The following NME9 variants were observed in gnomAD, a reference collection of about 807,000 sequenced individuals.
NME9 encodes NME/NM23 family member 9.
A neutral mutation model predicts 44.4 loss-of-function variants in NME9; 48 were observed. The observed-to-expected ratio is 1.08, with a 90% CI of 0.86 to 1.37. The LOEUF (loss-of-function observed/expected upper bound fraction) is 1.37, where lower values mean the gene tolerates loss of function less well. Among genes scored for constraint, NME9 ranks in the 40% most tolerant of loss-of-function variants. The pLI, the probability that NME9 is intolerant of heterozygous loss-of-function variation, is 0.00. For missense variants in NME9, 325 were observed against 405.2 expected, an observed-to-expected ratio of 0.80 and a Z score of 1.70; for synonymous variants, 139 against 147.1, an observed-to-expected ratio of 0.94 and a Z score of 0.40.
intron 8 of NME9, chr3:138,288,009 G>A (rs1275539518): frequency 1.2e-5 from 2 of 171,834 alleles, no homozygotes; most frequent in Non-Finnish European, 2.5e-5. Flanking sequence ...ATTGTATTTA[G>A]AAGAATAGGA....
chr3:138,328,857 G>A (rs914300751), intron 1 of NME9, among the ~76,000 whole-genome samples: 3 of 152,136 alleles, frequency 2.0e-5, no homozygotes, highest in Non-Finnish European at 2.9e-5. Context: ...ACAGTGGTGG[G>A]AAAACTGGGT....
chr3:138,319,717 A>C (rs1221355735), intron 2 of NME9, 136 bp from the exon 3 acceptor site: 1 of 619,964 alleles, frequency 1.6e-6, no homozygotes, highest in Non-Finnish European at 2.9e-6. Context: ...AAAGGGATTT[A>C]CTATCCCATG....
At chr3:138,279,010 A>T (rs115337326) in intron 8 of NME9, among the ~76,000 whole-genome samples, 1 of 152,252 alleles carries the variant, frequency 6.6e-6, no homozygotes, top group South Asian at 2.1e-4. Flanking sequence ...TCCAATCTAT[A>T]TGCTATTTTG....
At chr3:138,293,284 G>GT (rs1359561780) in intron 8 of NME9, among the ~76,000 whole-genome samples, 3 of 152,248 alleles carry the variant, frequency 2.0e-5, no homozygotes, top group Non-Finnish European at 2.9e-5. Flanking sequence ...GCTCACGCCT[G>GT]TAATCCCAGC....
At chr3:138,279,882 T>C (rs1190324208) in intron 8 of NME9, among the ~76,000 whole-genome samples, 2 of 152,138 alleles carry the variant, frequency 1.3e-5, no homozygotes, top group East Asian at 3.8e-4. Flanking sequence ...CAGTATCCCC[T>C]CTCTTGTTCT....
chr3:138,270,397 AATTTT>A (rs1263279370), intron 8 of NME9, among the ~76,000 whole-genome samples: 1 of 152,170 alleles, frequency 6.6e-6, no homozygotes, highest in Non-Finnish European at 1.5e-5. Flanking sequence ...TGGGAAAATA[AATTTT>A]CCTTATCATG....
At chr3:138,273,322 C>T (rs544534667) in intron 8 of NME9, among the ~76,000 whole-genome samples, 54 of 152,312 alleles carry the variant, frequency 3.5e-4, no homozygotes, top group African/African-American at 1.2e-3. Flanking sequence ...CCCTATTCTC[C>T]ACTCCTACAC....
intron 8 of NME9, among the ~76,000 whole-genome samples, chr3:138,294,644 G>A (rs1460871400): frequency 1.3e-5 from 2 of 152,158 alleles, no homozygotes; most frequent in East Asian, 3.9e-4. Flanking sequence ...CTTGGTATTA[G>A]TTTGATCAGC....
intron 6 of NME9, among the ~76,000 whole-genome samples, chr3:138,307,949 G>A (rs1486554697): frequency 2.0e-5 from 3 of 152,188 alleles, no homozygotes; most frequent in South Asian, 2.1e-4. Context: ...AGTAGTGAGC[G>A]CAGAGGCCAG....
chr3:138,280,960 C>A (rs2049848262), intron 8 of NME9, among the ~76,000 whole-genome samples: 2 of 152,106 alleles, frequency 1.3e-5, no homozygotes, highest in Non-Finnish European at 2.9e-5. Context: ...CCAACTGTTT[C>A]TTTAAGAGGC....
intron 2 of NME9, 166 bp downstream of exon 2, chr3:138,324,707 C>T: frequency 1.8e-6 from 1 of 561,052 alleles, no homozygotes; most frequent in South Asian, 2.0e-5. Context: ...CACACACACA[C>T]ACACACACAC....
chr3:138,315,645 T>C lies in NME9; in HGVS notation c.268-2A>G, dbSNP rs1169095528. ...AACCACAGCCACCAGTTCTCCTCCC[T>C]AGAATACGTTACAAACAGCATGAAA... On this transcript the variant is annotated splice_acceptor_variant, in intron 4 of 10. Coordinates refer to ENST00000333911, the MANE Select transcript of NME9 (RefSeq NM_001349018.2). LOFTEE classifies it high-confidence loss of function. 6.5e-7 allele frequency: 1 copy of C among 1,527,494 alleles called. No individual in the cohort carries two copies. Among genetic ancestry groups the C allele is most frequent in the Non-Finnish European group, 8.8e-7 (1 of 1,138,676 alleles). 94.6% of individuals were successfully genotyped at this position (1,527,494 alleles called of 1,614,324 possible).
chr3:138,297,617 G>A (rs1474022839), downstream of NME9: 2 of 152,152 alleles, frequency 1.3e-5, no homozygotes, highest in Non-Finnish European at 2.9e-5. Context: ...CTCTCAACAT[G>A]ACCACCCAAG....
chr3:138,262,503 C>G, exon 9 of NME9: 1 of 1,595,172 alleles, frequency 6.3e-7, no homozygotes, highest in Non-Finnish European at 8.5e-7. Flanking sequence ...TTTCCACTCT[C>G]TCATGTTCTA....
At chr3:138,293,081 A>G (rs1438999345) in intron 8 of NME9, among the ~76,000 whole-genome samples, 1 of 152,296 alleles carries the variant, frequency 6.6e-6, no homozygotes, top group East Asian at 1.9e-4. Context: ...CTCCTGTAGC[A>G]TCTGTAGAAC....
At chr3:138,271,798 C>CTTTTTTT (rs776320900) in intron 8 of NME9, among the ~76,000 whole-genome samples, 3 of 136,134 alleles carry the variant, frequency 2.2e-5, no homozygotes, top group African/African-American at 8.5e-5. Context: ...TTTTTTCTTT[C>CTTTTTTT]TTTTTTTTTT....
chr3:138,325,240 G>A (rs1451301744), intron 1 of NME9, among the ~76,000 whole-genome samples: 2 of 152,050 alleles, frequency 1.3e-5, no homozygotes, highest in Non-Finnish European at 2.9e-5. Flanking sequence ...CAAACTGTAG[G>A]TTTCATTTTG....
chr3:138,275,877 T>C (rs1192763712), intron 8 of NME9, among the ~76,000 whole-genome samples: 1 of 152,168 alleles, frequency 6.6e-6, no homozygotes, highest in African/African-American at 2.4e-5. Flanking sequence ...GAAAAAAATT[T>C]AACACAGAGA....
At position 138,271,847 on chromosome 3, in the gene NME9, G is replaced by A. The variant is rs948374690; in HGVS notation, c.746-9261C>T. 4.1e-5 allele frequency among the ~76,000 whole-genome samples: 6 copies of A among 147,300 alleles called. No homozygotes were observed. The East Asian group carries it at 1.2e-3, about 29-fold the overall frequency. On this transcript the variant is annotated intron_variant, in intron 8 of 8. Transcript: ENST00000317876. ...GTCTCGCTTAGTTGCCCAGGCTGGA[G>A]TGTAGTGGCATAATCTCAGCTCACT...
Sources: gnomAD v4.1 joint callset for allele counts (sites outside exome capture counted in the v4.1 genomes callset) on GRCh38, gnomAD v4.1.1 for gene constraint, MANE v1.5 for transcripts, NCBI Gene and HGNC (gene_info 2026-07-23, HGNC 2026-07-21) for gene names.